Variants in TBCK observed in about 807,000 individuals in gnomAD.
TBCK encodes the protein TBC domain-containing protein kinase-like protein.
TBCK carries 99 observed loss-of-function variants against 113.4 expected under a neutral mutation model. That is an observed-to-expected ratio of 0.87 (90% CI 0.74 to 1.03). The LOEUF is 1.03. Among genes scored for constraint, TBCK ranks in the 50% least tolerant of loss-of-function variants. The pLI is 0.00. For synonymous variants in TBCK, 369 were observed against 370.8 expected (o/e 1.00, Z 0.05); for missense variants, 1,045 against 1,061.3 (o/e 0.98, Z 0.21).
intron 1 of TBCK, among the ~76,000 whole-genome samples, chr4:106,314,553 T>C (rs1279397955): frequency 2.0e-5 from 3 of 151,718 alleles, no homozygotes; most frequent in African/African-American, 7.3e-5. Flanking sequence ...AGAACAGTAC[T>C]GAGAGTAGGA....
chr4:106,211,354 T>C (rs575590595), intron 20 of TBCK, among the ~76,000 whole-genome samples: 1 of 152,250 alleles, frequency 6.6e-6, no homozygotes, highest in Admixed American at 6.5e-5. Flanking sequence ...TTTATTTTTA[T>C]TCTTTAATTT....
intron 23 of TBCK, among the ~76,000 whole-genome samples, chr4:106,120,708 T>A (rs1223290023): frequency 6.6e-6 from 1 of 152,164 alleles, no homozygotes; most frequent in East Asian, 1.9e-4. Context: ...AGGGGCACAC[T>A]GACACCTCAC....
At chr4:106,173,017 T>C (rs1488697148) in intron 22 of TBCK, among the ~76,000 whole-genome samples, 1 of 152,168 alleles carries the variant, frequency 6.6e-6, no homozygotes, top group Non-Finnish European at 1.5e-5. Context: ...AAAGATAGTC[T>C]GATAAGACCA....
At chr4:106,285,401 T>C (rs1316674102) in intron 3 of TBCK, among the ~76,000 whole-genome samples, 2 of 152,136 alleles carry the variant, frequency 1.3e-5, no homozygotes, top group Non-Finnish European at 2.9e-5. Context: ...ATTGTAATTA[T>C]TCCCATAGTA....
intron 19 of TBCK, among the ~76,000 whole-genome samples, chr4:106,222,966 TA>T (rs1030616805): frequency 1.3e-5 from 2 of 152,058 alleles, no homozygotes; most frequent in African/African-American, 4.8e-5. Context: ...TTGCTCTAGC[TA>T]AAAAAAGAAT....
chr4:106,278,454 G>C (rs1220995086), intron 3 of TBCK, among the ~76,000 whole-genome samples: 1 of 150,706 alleles, frequency 6.6e-6, no homozygotes, highest in East Asian at 2.0e-4. Context: ...AGCTATTCGG[G>C]AGGCTGAGGC....
chr4:106,228,142 A>G (rs895661569), intron 19 of TBCK, among the ~76,000 whole-genome samples: 3 of 151,992 alleles, frequency 2.0e-5, no homozygotes, highest in Non-Finnish European at 2.9e-5. Flanking sequence ...TATGGGGTAA[A>G]TGAGATACAT....
chr4:106,106,410 T>G (rs1158839479), intron 24 of TBCK, among the ~76,000 whole-genome samples: 4 of 152,128 alleles, frequency 2.6e-5, no homozygotes, highest in Non-Finnish European at 5.9e-5. Flanking sequence ...GCAGGTCACC[T>G]ACAAAGGGAT....
chr4:106,066,592 T>C (rs1736668563), intron 25 of TBCK, among the ~76,000 whole-genome samples: 1 of 151,986 alleles, frequency 6.6e-6, no homozygotes, highest in African/African-American at 2.4e-5. Flanking sequence ...TTAAGTACGC[T>C]TGCAATACTG....
intron 23 of TBCK, among the ~76,000 whole-genome samples, chr4:106,147,336 G>T (rs1264938641): frequency 6.6e-6 from 1 of 152,134 alleles, no homozygotes; most frequent in African/African-American, 2.4e-5. Context: ...GGCAGCTATG[G>T]CCTTACAAAA....
chr4:106,163,307 TGTC>T (rs1184850754), intron 23 of TBCK: 3 of 152,362 alleles, frequency 2.0e-5, no homozygotes, highest in African/African-American at 7.2e-5. Flanking sequence ...CACATCTGCC[TGTC>T]TTCTGAGTAT....
chr4:106,051,005 C>A (rs1734746874), intron 25 of TBCK, among the ~76,000 whole-genome samples: 1 of 151,958 alleles, frequency 6.6e-6, no homozygotes, highest in South Asian at 2.1e-4. Context: ...CTCTCTTTAT[C>A]TTGCATCTGA....
intron 20 of TBCK, among the ~76,000 whole-genome samples, chr4:106,198,960 T>A (rs189305323): frequency 2.0e-5 from 3 of 152,150 alleles, no homozygotes; most frequent in Non-Finnish European, 4.4e-5. Flanking sequence ...AGGATTCTTG[T>A]GAATAAATGT....
intron 23 of TBCK, among the ~76,000 whole-genome samples, chr4:106,170,807 A>T (rs1280863816): frequency 1.3e-5 from 2 of 152,008 alleles, no homozygotes; most frequent in Non-Finnish European, 1.5e-5. Context: ...TTGCTTCTGT[A>T]ATCTCTCACT....
At chr4:106,254,662 T>C (rs1291540521) in intron 5 of TBCK, among the ~76,000 whole-genome samples, 1 of 152,122 alleles carries the variant, frequency 6.6e-6, no homozygotes. Flanking sequence ...CTAGAATTCA[T>C]TTTTCATATG....
At chr4:106,219,248 A>C (rs994370979) in intron 19 of TBCK, among the ~76,000 whole-genome samples, 2 of 149,350 alleles carry the variant, frequency 1.3e-5, no homozygotes, top group African/African-American at 4.9e-5. Context: ...GAGGGATAGC[A>C]CTGGGAGATA....
rs148438382 is a variant in TBCK, at chr4:106,098,601, C to A, written c.2412-2960G>T. Among the ~76,000 whole-genome samples, 973 of 151,910 alleles carry A rather than the reference C, an allele frequency of 6.4e-3. 4 individuals are homozygous for A. The highest frequency in any genetic ancestry group is 0.013 in the South Asian group (62 of 4,780). Reference sequence around the variant, plus strand: ...TAAAAAACATCATTACAGAAGTCAGCAGTAATTACAATGAAATCTCTAGAC... The same window carrying A: ...TAAAAAACATCATTACAGAAGTCAGAAGTAATTACAATGAAATCTCTAGAC... On this transcript the variant is annotated intron_variant, in intron 24 of 25. Coordinates refer to ENST00000394708, the MANE Select transcript of TBCK (RefSeq NM_001163435.3).
At chr4:106,288,450 A>G (rs1380434314) in intron 3 of TBCK, among the ~76,000 whole-genome samples, 1 of 152,194 alleles carries the variant, frequency 6.6e-6, no homozygotes, top group Non-Finnish European at 1.5e-5. Context: ...TATATTATAC[A>G]TTTTCAGTGC....
At chr4:106,055,232 G>A (rs1189132283) in intron 25 of TBCK, among the ~76,000 whole-genome samples, 1 of 151,378 alleles carries the variant, frequency 6.6e-6, no homozygotes. Flanking sequence ...GTTCAAAGAA[G>A]CCCCGTGCTT....
Sources: allele counts gnomAD v4.1 joint callset (sites outside exome capture counted in the v4.1 genomes callset), GRCh38; gene constraint gnomAD v4.1.1; transcripts MANE v1.5; gene names NCBI Gene and HGNC (gene_info 2026-07-23, HGNC 2026-07-21).